The following MYO5A variants were observed in gnomAD, a reference collection of about 807,000 sequenced individuals.
MYO5A encodes the protein unconventional myosin-Va.
A neutral mutation model predicts 249.7 loss-of-function variants in MYO5A; 98 were observed. The observed-to-expected ratio is 0.39, with a 90% CI of 0.33 to 0.46. The LOEUF (loss-of-function observed/expected upper bound fraction) is 0.46. Ranked by LOEUF, MYO5A falls within the 20% of genes least tolerant of loss-of-function variation. The pLI, the probability that MYO5A is intolerant of heterozygous loss-of-function variation, is 0.98. For synonymous variants in MYO5A, 778 were observed against 810.6 expected (o/e 0.96, Z 0.68); for missense variants, 1,696 against 2,308.8 (o/e 0.73, Z 5.44).
At chr15:52,496,093 G>A (rs2077032860) in intron 1 of MYO5A, among the ~76,000 whole-genome samples, 1 of 148,746 alleles carries the variant, frequency 6.7e-6, no homozygotes. Context: ...AAAGAGAAAT[G>A]AAAAAAAAAA....
intron 1 of MYO5A, among the ~76,000 whole-genome samples, chr15:52,526,636 G>A (rs1190993464): frequency 2.0e-5 from 3 of 152,088 alleles, no homozygotes; most frequent in Non-Finnish European, 2.9e-5. Context: ...GATTACAGGC[G>A]TGAGCTACCG....
Position 52,383,205 on chromosome 15 carries a change from A to G in MYO5A, c.1915-17T>C. The G allele has an allele frequency of 1.9e-6, 3 of 1,580,082 alleles. No individual in the cohort carries two copies. The highest frequency in any genetic ancestry group is 2.6e-6 in the Non-Finnish European group (3 of 1,149,056). ...GTTTCTGAACTGCATGAAAAAGGGC[A>G]GAAGAGGGTATCAAGGCTTTGTCCA... is the stretch of plus-strand genomic sequence containing the variant. On this transcript the variant is annotated splice_polypyrimidine_tract_variant and intron_variant, in intron 15 of 41. Transcript: ENST00000399233.
intron 36 of MYO5A, among the ~76,000 whole-genome samples, chr15:52,325,575 T>A (rs529597384): frequency 6.6e-6 from 1 of 151,958 alleles, no homozygotes; most frequent in African/African-American, 2.4e-5. Flanking sequence ...CTAATTTTTT[T>A]ATGTTTTATA....
At chr15:52,447,525 A>C (rs193033938) in intron 1 of MYO5A, among the ~76,000 whole-genome samples, 20 of 152,330 alleles carry the variant, frequency 1.3e-4, no homozygotes, top group African/African-American at 4.3e-4. Flanking sequence ...TGCTATAAAG[A>C]TACCTGAAAA....
chr15:52,345,521 G>T (rs910637971), intron 30 of MYO5A, among the ~76,000 whole-genome samples: 6 of 151,102 alleles, frequency 4.0e-5, no homozygotes, highest in Non-Finnish European at 8.8e-5. Flanking sequence ...GGGGGCGGAG[G>T]TTGCAGTGAG....
In MYO5A at chr15:52,356,168, A is replaced by T. The variant is rs1424691351; in HGVS notation, c.3424-2154T>A. 2.6e-5 allele frequency among the ~76,000 whole-genome samples: 4 copies of T among 152,340 alleles called. No individual in the cohort carries two copies. In the East Asian group the frequency reaches 7.7e-4, roughly 29 times the overall value. On this transcript the variant is annotated intron_variant, in intron 25 of 41. Coordinates refer to ENST00000399233, the MANE Select transcript of MYO5A (RefSeq NM_001382347.1). ...GAGAGACAAGTGGGGCTGGAGGAGC[A>T]AGAGAATGGCAACAATCATTTATTT...
intron 1 of MYO5A, among the ~76,000 whole-genome samples, chr15:52,482,744 C>T (rs921260949): frequency 1.4e-4 from 22 of 151,802 alleles, no homozygotes; most frequent in African/African-American, 4.6e-4. Flanking sequence ...TAAGTGAATC[C>T]GGTCCATTAG....
intron 25 of MYO5A, among the ~76,000 whole-genome samples, chr15:52,354,627 G>A (rs547320719): frequency 6.6e-6 from 1 of 152,252 alleles, no homozygotes; most frequent in South Asian, 2.1e-4. Context: ...AGGCCAAGGC[G>A]GGTGGATCAC....
chr15:52,330,591 A>G, intron 34 of MYO5A, 92 bp from the exon 35 acceptor site: 1 of 1,436,080 alleles, frequency 7.0e-7, no homozygotes, highest in Non-Finnish European at 9.7e-7. Context: ...TGCATTCTAC[A>G]ACAACCGAAA....
intron 1 of MYO5A, among the ~76,000 whole-genome samples, chr15:52,516,977 A>G (rs1188177328): frequency 6.6e-6 from 1 of 152,254 alleles, no homozygotes; most frequent in East Asian, 1.9e-4. Context: ...AGTGAATAAA[A>G]GCAACAATAA....
At chr15:52,495,360 G>A (rs994204225) in intron 1 of MYO5A, among the ~76,000 whole-genome samples, 1 of 152,200 alleles carries the variant, frequency 6.6e-6, no homozygotes, top group Non-Finnish European at 1.5e-5. Flanking sequence ...CAAAGTCATA[G>A]AAGCAGAGAG....
At chr15:52,449,265 G>A (rs1282316768) in intron 1 of MYO5A, among the ~76,000 whole-genome samples, 15 of 151,886 alleles carry the variant, frequency 9.9e-5, no homozygotes, top group African/African-American at 3.4e-4. Flanking sequence ...CACTGCGCCC[G>A]GCCTCAGGTA....
chr15:52,339,812 C>T (rs1181292445), intron 32 of MYO5A, among the ~76,000 whole-genome samples: 1 of 152,192 alleles, frequency 6.6e-6, no homozygotes, highest in African/African-American at 2.4e-5. Flanking sequence ...TCAGTGGCTG[C>T]TTGGGGACCA....
intron 1 of MYO5A, among the ~76,000 whole-genome samples, chr15:52,472,732 T>C (rs1045141296): frequency 7.9e-5 from 12 of 152,174 alleles, no homozygotes; most frequent in Admixed American, 6.5e-5. Flanking sequence ...TCATCCTTTT[T>C]TATGGCTACG....
chr15:52,348,317 G>A (rs1012836736), intron 29 of MYO5A, among the ~76,000 whole-genome samples: 1 of 151,990 alleles, frequency 6.6e-6, no homozygotes, highest in Non-Finnish European at 1.5e-5. Context: ...CAGGGATATG[G>A]TAGAGAAATT....
intron 1 of MYO5A, among the ~76,000 whole-genome samples, chr15:52,526,589 G>A (rs1247528644): frequency 6.6e-6 from 1 of 152,028 alleles, no homozygotes; most frequent in Non-Finnish European, 1.5e-5. Context: ...TCGAACTCCT[G>A]ACCTCAGGTG....
At chr15:52,319,409 T>C (rs533532708) in intron 38 of MYO5A, 67 bp from the exon 39 acceptor site, 8 of 1,520,856 alleles carry the variant, frequency 5.3e-6, no homozygotes, top group African/African-American at 2.7e-5. Context: ...CACATATCCA[T>C]GTGCACAAAC....
chr15:52,482,023 T>C (rs1159726249), intron 1 of MYO5A, among the ~76,000 whole-genome samples: 1 of 152,192 alleles, frequency 6.6e-6, no homozygotes, highest in African/African-American at 2.4e-5. Flanking sequence ...CTCAGCATGA[T>C]AACTGGAGAC....
intron 16 of MYO5A, 110 bp from the exon 17 acceptor site, chr15:52,380,018 C>A: frequency 9.3e-7 from 1 of 1,072,702 alleles, no homozygotes; most frequent in Non-Finnish European, 1.4e-6. Context: ...ATGGATAAAT[C>A]AGAAAAGAAA....
Sources: gnomAD v4.1 joint callset for allele counts (sites outside exome capture counted in the v4.1 genomes callset) on GRCh38, gnomAD v4.1.1 for gene constraint, MANE v1.5 for transcripts, NCBI Gene and HGNC (gene_info 2026-07-23, HGNC 2026-07-21) for gene names.